FBP2: variants seen among roughly 807,000 people sequenced by gnomAD.
FBP2 encodes the protein fructose-bisphosphatase 2, also known as fructose-1,6-bisphosphatase isozyme 2.
In FBP2, 27 loss-of-function variants were observed where a neutral mutation model predicts 31.6. That is an observed-to-expected ratio of 0.85 (90% CI 0.63 to 1.18). The LOEUF is 1.18. Ranked by LOEUF, FBP2 falls within the 50% of genes most tolerant of loss-of-function variation. The pLI, the probability that FBP2 is intolerant of heterozygous loss-of-function variation, is 0.00. For missense variants in FBP2, 421 were observed against 436.1 expected (o/e 0.97, Z 0.31); for synonymous variants, 168 against 179.8 (o/e 0.93, Z 0.53).
rs554337531 is a variant in FBP2 at position 94,571,499 on chromosome 9, G to A, written c.530C>T (p.Ser177Phe). ...GAAGAGGTCCACGCCTTGCCCTGTG[G>A]AGAGAGCCACCAGGGTTGCACTACC... is the stretch of plus-strand genomic sequence containing the variant. ...LYGSATLVAL[S>F]TGQGVDLFML... is the part of the protein sequence containing the mutation. The change falls in exon 4 of 7, where the codon TCC (serine) becomes TTC (phenylalanine). Residue 177 changes from serine (S) to phenylalanine (F), a missense_variant. By Grantham distance (155) the Ser-to-Phe change is radical (BLOSUM62 -2). Transcript: ENST00000375337. 3 of 1,613,934 alleles carry A rather than the reference G, an allele frequency of 1.9e-6. No individual in the cohort carries two copies. The highest frequency in any genetic ancestry group is 2.5e-6 in the Non-Finnish European group (3 of 1,179,918).
At position 94,587,464 on chromosome 9, in the gene FBP2, C is replaced by T. The variant is rs1653930677; in HGVS notation, c.176G>A (p.Gly59Glu). 1.9e-6 allele frequency: 3 copies of T among 1,614,016 alleles called. No homozygotes were observed. The highest frequency in any genetic ancestry group is 2.5e-6 in the Non-Finnish European group (3 of 1,179,960). ...CGTCACGTTAACGCTTCCTGCGATTCCATACCTGAGAAGACAAAAGGCTGA... is the reference window on the plus strand; with the variant it reads ...CGTCACGTTAACGCTTCCTGCGATTTCATACCTGAGAAGACAAAAGGCTGA... ...VRKAGLAHLY[G>E]IAGSVNVTGD... The change falls in exon 2 of 7, where the codon GGA becomes GAA. Residue 59 changes from glycine to glutamate, a missense_variant. Transcript: ENST00000375337.
chr9:94,571,283 G>A (rs1217451521), intron 4 of FBP2, among the ~76,000 whole-genome samples, 179 bp downstream of exon 4: 2 of 152,112 alleles, frequency 1.3e-5, no homozygotes, highest in Admixed American at 6.5e-5. Flanking sequence ...GCCCTCACTG[G>A]GACAGAGGCC....
chr9:94,590,364 A>G (rs1226747661), intron 1 of FBP2, among the ~76,000 whole-genome samples: 1 of 152,162 alleles, frequency 6.6e-6, no homozygotes, highest in South Asian at 2.1e-4. Context: ...AGAAGGGGAA[A>G]AGGAGACTCT....
At chr9:94,562,315 A>AC (rs966185473) in intron 6 of FBP2, among the ~76,000 whole-genome samples, 1 of 150,950 alleles carries the variant, frequency 6.6e-6, no homozygotes, top group Non-Finnish European at 1.5e-5. Flanking sequence ...ATCTCAAAAA[A>AC]AAAAAAAAAA....
At chr9:94,561,961 C>T (rs1327277761) in intron 6 of FBP2, among the ~76,000 whole-genome samples, 1 of 152,158 alleles carries the variant, frequency 6.6e-6, no homozygotes, top group Non-Finnish European at 1.5e-5. Context: ...TTAGTAATAA[C>T]TGATCTTTAT....
At chr9:94,566,077 T>G (rs1827185391) in intron 5 of FBP2, among the ~76,000 whole-genome samples, 1 of 152,234 alleles carries the variant, frequency 6.6e-6, no homozygotes, top group Non-Finnish European at 1.5e-5. Flanking sequence ...AATCTTCTCA[T>G]CAAACAATGG....
At chr9:94,576,290 G>A (rs1328753483) in intron 3 of FBP2, among the ~76,000 whole-genome samples, 1 of 152,116 alleles carries the variant, frequency 6.6e-6, no homozygotes, top group Admixed American at 6.5e-5. Flanking sequence ...CCCCGAAATA[G>A]TCAAAGTGGT....
At position 94,593,795 on chromosome 9, in the gene FBP2, C is replaced by T. The variant is rs1827528530; in HGVS notation, c.-69G>A. 6.5e-7 allele frequency: 1 copy of T among 1,547,690 alleles called. No individual in the cohort carries two copies. The highest frequency in any genetic ancestry group is 1.4e-5 in the African/African-American group (1 of 73,376). ...TTGCTTACTTCTGAGGGCTGCAGCT[C>T]CGCAGTGTGGAAGCCGATAAGAAAT... On this transcript the variant is annotated 5_prime_UTR_variant, in exon 1 of 7. Transcript: ENST00000375337.
At chr9:94,573,646 T>G (rs1343122316) in intron 3 of FBP2, among the ~76,000 whole-genome samples, 3 of 152,234 alleles carry the variant, frequency 2.0e-5, no homozygotes, top group African/African-American at 7.2e-5. Flanking sequence ...TTATGAATAC[T>G]GGATCAGTCT....
chr9:94,562,754 A>G (rs1379449199), intron 6 of FBP2, among the ~76,000 whole-genome samples: 1 of 152,168 alleles, frequency 6.6e-6, no homozygotes, highest in Non-Finnish European at 1.5e-5. Flanking sequence ...TCACTTGATA[A>G]TACAAGTATT....
chr9:94,589,134 A>ATT (rs112320515), intron 1 of FBP2, among the ~76,000 whole-genome samples: 2 of 151,070 alleles, frequency 1.3e-5, no homozygotes, highest in African/African-American at 4.9e-5. Flanking sequence ...CAATGGCAGG[A>ATT]TTTTTTTTTC....
intron 3 of FBP2, among the ~76,000 whole-genome samples, chr9:94,572,118 T>G (rs1827276133): frequency 1.3e-5 from 2 of 152,176 alleles, no homozygotes; most frequent in African/African-American, 2.4e-5. Context: ...TCTGCCTTTC[T>G]CTCTGACTCT....
chr9:94,563,253 C>G (rs1349768586), intron 6 of FBP2, 89 bp downstream of exon 6: 3 of 1,426,244 alleles, frequency 2.1e-6, no homozygotes, highest in Admixed American at 2.1e-5. Context: ...TGCCATGAAG[C>G]AGTGCAGTAG....
In FBP2 at chr9:94,560,149, A is replaced by T. The variant is rs1827075429; in HGVS notation, c.826-1017T>A. ...CAAAAACGAAGAAAGTGTCCAAGCA[A>T]GGCCACTGTTTCCTGCACGAGGGGT... On this transcript the variant is annotated intron_variant, in intron 6 of 6. Coordinates refer to ENST00000375337, the MANE Select transcript of FBP2 (RefSeq NM_003837.4). Among the ~76,000 whole-genome samples the T allele has an allele frequency of 2.0e-5, 3 of 152,178 alleles. No individual in the cohort carries two copies. The South Asian group carries it at 6.2e-4, about 32-fold the overall frequency.
Position 94,567,278 on chromosome 9 carries a change from A to G in FBP2, c.697T>C (p.Phe233Leu). 6.2e-7 allele frequency: 1 copy of G among 1,614,138 alleles called. No homozygotes were observed. The highest frequency in any genetic ancestry group is 8.5e-7 in the Non-Finnish European group (1 of 1,180,016). Residue 233 changes from phenylalanine to leucine, a missense_variant, in exon 5 of 7, where the codon TTC (phenylalanine) becomes CTC (leucine). Phe to Leu is a conservative substitution (Grantham distance 22). Coordinates refer to ENST00000375337, the MANE Select transcript of FBP2 (RefSeq NM_003837.4). ...TGGCTTTCTTCACTCACCTCAGGGA[A>G]TTTCTTTTTCTGCACATATTCAGTG... is the stretch of plus-strand genomic sequence containing the variant. ...ATTEYVQKKKFPEDGSAPYGA... is the reference protein window; with the variant it reads ...ATTEYVQKKKLPEDGSAPYGA...
intron 5 of FBP2, among the ~76,000 whole-genome samples, chr9:94,565,299 A>G (rs1229753202): frequency 2.1e-5 from 3 of 145,734 alleles, no homozygotes; most frequent in Non-Finnish European, 3.0e-5. Context: ...CGCTTGAACC[A>G]GGGAGGCGGA....
intron 3 of FBP2, among the ~76,000 whole-genome samples, chr9:94,582,351 CGTGTGTGTGTGTGTGTGTGTGTGTGT>C (rs71366248): frequency 1.4e-5 from 2 of 147,744 alleles, no homozygotes; most frequent in South Asian, 2.2e-4. Context: ...TGTGTGTGTG[CGTGTGTGTGTGTGTGTGTGTGTGTGT>C]GTGTGTGTGT....
chr9:94,592,594 G>A (rs1440484413), intron 1 of FBP2, among the ~76,000 whole-genome samples: 1 of 152,160 alleles, frequency 6.6e-6, no homozygotes, highest in African/African-American at 2.4e-5. Context: ...GAGTGCAGTG[G>A]TACGATCTCG....
intron 1 of FBP2, among the ~76,000 whole-genome samples, chr9:94,592,428 C>T (rs1827512692): frequency 6.6e-6 from 1 of 152,178 alleles, no homozygotes; most frequent in African/African-American, 2.4e-5. Flanking sequence ...TTGTTAGCTC[C>T]TCATTTTGAG....
Sources: allele counts gnomAD v4.1 joint callset (sites outside exome capture counted in the v4.1 genomes callset), GRCh38; gene constraint gnomAD v4.1.1; transcripts MANE v1.5; gene names NCBI Gene and HGNC (gene_info 2026-07-23, HGNC 2026-07-21).